Variants in HIVEP3 observed in about 807,000 individuals in gnomAD.
HIVEP3 encodes the protein HIVEP zinc finger 3.
In HIVEP3, 49 loss-of-function variants were observed where a neutral mutation model predicts 152.8. The ratio of observed to expected loss-of-function variants is 0.32; its 90% CI spans 0.26 to 0.41. The LOEUF is 0.41. Ranked by LOEUF, HIVEP3 falls within the 10% of genes least tolerant of loss-of-function variation. The pLI, the probability that HIVEP3 is intolerant of heterozygous loss-of-function variation, is 1.00. For missense variants in HIVEP3, 2,790 were observed against 3,103.3 expected (o/e 0.90, Z 2.40); for synonymous variants, 1,269 against 1,289.0 (o/e 0.98, Z 0.33).
chr1:41,536,704 T>TA (rs1176865036), intron 5 of HIVEP3, among the ~76,000 whole-genome samples: 8 of 151,888 alleles, frequency 5.3e-5, no homozygotes, highest in Middle Eastern at 6.8e-3. Context: ...TTCAGATTTT[T>TA]AAAAAAAAAC....
intron 5 of HIVEP3, among the ~76,000 whole-genome samples, chr1:41,549,153 T>G (rs945105980): frequency 8.5e-5 from 13 of 152,078 alleles, no homozygotes; most frequent in Admixed American, 7.2e-4. Flanking sequence ...GATAGTTTGC[T>G]CAGAATGATG....
chr1:41,549,437 A>G (rs886427836), intron 5 of HIVEP3, among the ~76,000 whole-genome samples: 7 of 152,198 alleles, frequency 4.6e-5, no homozygotes, highest in African/African-American at 1.7e-4. Context: ...TAGATCTTTG[A>G]GGAATTACCA....
chr1:41,628,922 AG>A lies in HIVEP3; in HGVS notation c.-696del. The A allele has an allele frequency of 8.1e-7, 1 of 1,231,282 alleles. No homozygotes were observed. The highest frequency in any genetic ancestry group is 1.0e-6 in the Non-Finnish European group (1 of 987,652). 76.3% of individuals were successfully genotyped at this position (1,231,282 alleles called of 1,614,324 possible). On this transcript the variant is annotated 5_prime_UTR_variant, in exon 3 of 9. It removes the in-frame stop codon of an upstream open reading frame in the 5' UTR. Coordinates refer to ENST00000372583, the MANE Select transcript of HIVEP3 (RefSeq NM_024503.5). ...CGAGGCTCCTCCATGAACTAGGTTGAGGCTGCTGGGTTTGTGCCTCGAATCC... is the reference window on the plus strand; with the variant it reads ...CGAGGCTCCTCCATGAACTAGGTTGAGCTGCTGGGTTTGTGCCTCGAATCC...
intron 1 of HIVEP3, among the ~76,000 whole-genome samples, chr1:41,887,186 C>A (rs917065175): frequency 2.0e-5 from 3 of 151,958 alleles, no homozygotes; most frequent in Non-Finnish European, 2.9e-5. Context: ...GTGTATTCAG[C>A]CAAAATATAT....
intron 5 of HIVEP3, among the ~76,000 whole-genome samples, chr1:41,545,652 ACTACCACCCCTGCCACAG>A (rs1643771682): frequency 8.3e-6 from 1 of 121,168 alleles, no homozygotes; most frequent in African/African-American, 3.3e-5. Flanking sequence ...CATCACCACC[ACTACCACCCCTGCCACAG>A]CCACCACCAC....
At chr1:41,530,029 C>T (rs1436632595) in intron 5 of HIVEP3, among the ~76,000 whole-genome samples, 4 of 130,062 alleles carry the variant, frequency 3.1e-5, no homozygotes, top group African/African-American at 9.4e-5. Flanking sequence ...TCAGACCACA[C>T]TCACGCTCAT....
intron 1 of HIVEP3, among the ~76,000 whole-genome samples, chr1:41,958,341 T>C (rs902857244): frequency 2.6e-5 from 4 of 152,228 alleles, no homozygotes; most frequent in Admixed American, 2.0e-4. Flanking sequence ...TAAAGGATTA[T>C]ACACCATTCT....
intron 1 of HIVEP3, among the ~76,000 whole-genome samples, chr1:41,792,436 C>T (rs1558273879): frequency 1.3e-5 from 2 of 152,236 alleles, no homozygotes; most frequent in Admixed American, 6.5e-5. Context: ...TGCTGACTTC[C>T]TCCAGCCGTG....
rs1202123297 is a variant in HIVEP3 at position 41,662,904 on chromosome 1, C to A, written c.-720-33957G>T. Among the ~76,000 whole-genome samples the A allele has an allele frequency of 2.0e-5, 3 of 152,168 alleles. No individual in the cohort carries two copies. The highest frequency in any genetic ancestry group is 4.4e-5 in the Non-Finnish European group (3 of 68,010). ...CTTCCCCCTGGGTGCCAGCCGGGCT[C>A]CGGGAAGCCCGCGCCTCCCCAGGCG... is the stretch of plus-strand genomic sequence containing the variant. On this transcript the variant is annotated intron_variant, in intron 2 of 8. Transcript: ENST00000372583. The surrounding 1 kb of genome is among the most constrained non-coding windows in gnomAD (Gnocchi z 7.2).
chr1:41,636,128 C>A (rs142479590), intron 2 of HIVEP3, among the ~76,000 whole-genome samples: 118 of 152,290 alleles, frequency 7.7e-4, no homozygotes, highest in African/African-American at 2.7e-3. Flanking sequence ...AAGGTCTATG[C>A]CCTTATGGAG....
rs530320698 is a variant in HIVEP3, at chr1:41,557,015, C to T, written c.5207+18529G>A. Among the ~76,000 whole-genome samples, 53 of 152,324 alleles carry T rather than the reference C, an allele frequency of 3.5e-4. 1 individual carries two copies. Among genetic ancestry groups the T allele is most frequent in the African/African-American group, 1.3e-3 (52 of 41,566 alleles). ...ATTTCTGTCTTGTGTCAGTACCACA[C>T]TGTTTCAATTACTGTATTTTTGTAG... On this transcript the variant is annotated intron_variant, in intron 5 of 8. Coordinates refer to ENST00000372583, the MANE Select transcript of HIVEP3 (RefSeq NM_024503.5).
chr1:41,536,545 C>G (rs1643405596), intron 5 of HIVEP3, among the ~76,000 whole-genome samples: 1 of 152,008 alleles, frequency 6.6e-6, no homozygotes, highest in Non-Finnish European at 1.5e-5. Flanking sequence ...TCAAGCAAAG[C>G]AGGGGAGGCG....
In HIVEP3 at chr1:41,951,221, G is replaced by A. The variant is rs116673481; in HGVS notation, n.120-32697C>T. Among the ~76,000 whole-genome samples, 205 of 152,312 alleles carry A rather than the reference G, an allele frequency of 1.3e-3. 1 individual carries two copies. The highest frequency in any genetic ancestry group is 4.6e-3 in the African/African-American group (191 of 41,576). On this transcript the variant is annotated intron_variant and non_coding_transcript_variant, in intron 1 of 3. Coordinates refer to the HIVEP3 transcript ENST00000489103. ...GAATTATTTAAAACATGGAAAACAA[G>A]CTTACACTTCTAGCTATGATGGAGT... is the stretch of plus-strand genomic sequence containing the variant.
intron 2 of HIVEP3, among the ~76,000 whole-genome samples, chr1:41,654,516 G>A (rs904522274): frequency 6.6e-6 from 1 of 152,192 alleles, no homozygotes; most frequent in Admixed American, 6.5e-5. Context: ...AAGTTGCAAA[G>A]ATAGAACAGA....
chr1:41,521,067 C>T (rs1642747432), intron 6 of HIVEP3, among the ~76,000 whole-genome samples: 1 of 152,216 alleles, frequency 6.6e-6, no homozygotes, highest in African/African-American at 2.4e-5. Context: ...TTGGGTTTGA[C>T]TGTGGGCTCT....
chr1:41,844,988 C>A (rs1345328892), intron 1 of HIVEP3, among the ~76,000 whole-genome samples: 1 of 152,158 alleles, frequency 6.6e-6, no homozygotes, highest in Non-Finnish European at 1.5e-5. Flanking sequence ...CAAGCTTCTG[C>A]CACAGGGCCT....
At chr1:41,789,540 C>T (rs556000381) in intron 1 of HIVEP3, among the ~76,000 whole-genome samples, 7 of 152,250 alleles carry the variant, frequency 4.6e-5, no homozygotes, top group South Asian at 2.1e-4. Flanking sequence ...AAATGACCTA[C>T]GGAAAATTAC....
intron 1 of HIVEP3, among the ~76,000 whole-genome samples, chr1:41,915,447 G>A (rs988790464): frequency 1.3e-5 from 2 of 152,078 alleles, no homozygotes; most frequent in African/African-American, 4.8e-5. Context: ...TCCTTGCACA[G>A]TACAGTATCA....
chr1:42,032,720 G>A (rs768097012), intron 1 of HIVEP3, among the ~76,000 whole-genome samples: 3 of 151,978 alleles, frequency 2.0e-5, no homozygotes, highest in Admixed American at 6.5e-5. Flanking sequence ...GGCAGTTGCT[G>A]GGTGCAGGGA....
Sources: allele counts gnomAD v4.1 joint callset (sites outside exome capture counted in the v4.1 genomes callset), GRCh38; gene constraint gnomAD v4.1.1; non-coding constraint Gnocchi (gnomAD v3.1); transcripts MANE v1.5; gene names NCBI Gene and HGNC (gene_info 2026-07-23, HGNC 2026-07-21).